Variants in CES4A observed in about 807,000 individuals in gnomAD.
CES4A encodes the protein carboxylesterase 6.
In CES4A, 48 loss-of-function variants were observed where a neutral mutation model predicts 65.4. That is an observed-to-expected ratio of 0.73 (90% CI 0.58 to 0.93). CES4A has a LOEUF of 0.93. Ranked by LOEUF, CES4A falls within the 40% of genes least tolerant of loss-of-function variation. The pLI is 0.00. For missense variants in CES4A, 685 were observed against 728.5 expected (o/e 0.94, Z 0.69); for synonymous variants, 247 against 281.8 (o/e 0.88, Z 1.24).
exon 14 of CES4A, chr16:67,009,216 C>A: frequency 7.0e-7 from 1 of 1,422,584 alleles, no homozygotes; most frequent in Non-Finnish European, 9.6e-7. Flanking sequence ...TAGCCATGGA[C>A]ATACCTGGGG....
rs1965488302 is a variant in CES4A, at chr16:67,003,173, A to T, written c.794A>T (p.Lys265Met). Residue 265 changes from lysine to methionine, a missense_variant and splice_region_variant, in exon 6 of 14, where the codon AAG (lysine) becomes ATG (methionine). Transcript: ENST00000648724. This position sits in a 1 kb window ranked among gnomAD's most constrained non-coding sequence, Gnocchi z 4.2. ...ACTAGTAACCCACTGAAAGTGGCCAAGGTGAGTGCCTCTCCTTCCCCAGGG... is the reference window on the plus strand; with the variant it reads ...ACTAGTAACCCACTGAAAGTGGCCATGGTGAGTGCCTCTCCTTCCCCAGGG... 6.2e-7 allele frequency: 1 copy of T among 1,613,704 alleles called. No individual in the cohort carries two copies.
intron 12 of CES4A, 112 bp downstream of exon 12, chr16:67,006,631 A>AT (rs1412532282): frequency 6.5e-7 from 1 of 1,536,324 alleles, no homozygotes; most frequent in Non-Finnish European, 8.9e-7. Context: ...CTAATCTGTT[A>AT]TGCTCTCCCA....
chr16:66,991,165 C>T (rs1361758996), intron 1 of CES4A, among the ~76,000 whole-genome samples: 1 of 152,122 alleles, frequency 6.6e-6, no homozygotes, highest in Non-Finnish European at 1.5e-5. Flanking sequence ...GCTGGGATTA[C>T]AGGCACGCAC....
At chr16:67,008,946 T>C in intron 13 of CES4A, 28 bp from the exon 14 acceptor site, 1 of 1,602,826 alleles carries the variant, frequency 6.2e-7, no homozygotes, top group Non-Finnish European at 8.5e-7. Flanking sequence ...GGAACACAGG[T>C]AATCCTCTCT....
At position 67,003,383 on chromosome 16, in the gene CES4A, C is replaced by T; in HGVS notation, c.900+23C>T. ...ATGGTAGGTAGAACATTCCAGCTGCCTGACCTGGCTGCCTGAGGGCCATCC... is the reference window on the plus strand; with the variant it reads ...ATGGTAGGTAGAACATTCCAGCTGCTTGACCTGGCTGCCTGAGGGCCATCC... On this transcript the variant is annotated intron_variant, in intron 7 of 13. Transcript: ENST00000648724. The surrounding 1 kb of genome is among the most constrained non-coding windows in gnomAD (Gnocchi z 4.2). 1 of 1,609,910 alleles carries T rather than the reference C, an allele frequency of 6.2e-7. No homozygotes were observed. The highest frequency in any genetic ancestry group is 8.5e-7 in the Non-Finnish European group (1 of 1,176,340).
At chr16:66,995,893 C>A (rs939205520) in intron 2 of CES4A, 64 bp downstream of exon 2, 4 of 1,425,628 alleles carry the variant, frequency 2.8e-6, no homozygotes, top group Admixed American at 1.7e-5. Flanking sequence ...CTGGGTGGGG[C>A]TTTGCACAGC....
At chr16:67,010,384 G>T (rs536136480), downstream of CES4A, among the ~76,000 whole-genome samples, 1 of 150,750 alleles carries the variant, frequency 6.6e-6, no homozygotes, top group African/African-American at 2.4e-5. Context: ...CTTTTTGGTG[G>T]TAAAATACAC....
At chr16:67,006,863 C>G (rs748293419) in intron 13 of CES4A, 46 bp downstream of exon 13, 367 of 1,567,616 alleles carry the variant, frequency 2.3e-4, no homozygotes, top group Non-Finnish European at 3.0e-4. Context: ...CTGCCCAGTG[C>G]TGGACCTGAA....
In CES4A at chr16:67,003,390, G is replaced by GC; in HGVS notation, c.900+30_900+31insC. ...GTAGAACATTCCAGCTGCCTGACCT[G>GC]GCTGCCTGAGGGCCATCCTCCTATC... On this transcript the variant is annotated intron_variant, in intron 7 of 13. Transcript: ENST00000648724. This position sits in a 1 kb window ranked among gnomAD's most constrained non-coding sequence, Gnocchi z 4.2. 6.2e-7 allele frequency: 1 copy of GC among 1,606,504 alleles called. No individual in the cohort carries two copies.
Position 67,003,101 on chromosome 16 carries a change from A to C in CES4A, c.722A>C (p.His241Pro). The stretch of plus-strand genomic sequence containing the variant: ...TCACCCCTAGCCTCGGGTCTCTTCC[A>C]TCGGGCCATTTCCCAGAGTGGCACC... The change falls in exon 6 of 14, where the codon CAT becomes CCT. Residue 241 changes from histidine to proline, a missense_variant. Transcript: ENST00000648724. This position sits in a 1 kb window ranked among gnomAD's most constrained non-coding sequence, Gnocchi z 4.2. The C allele has an allele frequency of 6.2e-7, 1 of 1,614,084 alleles. No homozygotes were observed. The highest frequency in any genetic ancestry group is 1.1e-5 in the South Asian group (1 of 91,082).
chr16:66,996,437 G>A (rs1457822929), intron 2 of CES4A, among the ~76,000 whole-genome samples: 1 of 152,160 alleles, frequency 6.6e-6, no homozygotes, highest in African/African-American at 2.4e-5. Flanking sequence ...ATGTGTCTGA[G>A]GGGCAGTGTT....
At chr16:66,995,828 G>T (rs1964801601) in exon 2 of CES4A, 1 of 1,613,210 alleles carries the variant, frequency 6.2e-7, no homozygotes, top group South Asian at 1.1e-5. Context: ...CTACCCGCCT[G>T]GGTAAGAGTC....
Position 67,003,158 on chromosome 16 carries a change from C to T in CES4A, c.779C>T (p.Pro260Leu). 1 of 1,614,108 alleles carries T rather than the reference C, an allele frequency of 6.2e-7. No homozygotes were observed. Among genetic ancestry groups the T allele is most frequent in the Non-Finnish European group, 8.5e-7 (1 of 1,179,942 alleles). The change falls in exon 6 of 14, where the codon CCA becomes CTA. Residue 260 changes from proline to leucine, a missense_variant. By Grantham distance (98) the Pro-to-Leu change is moderately conservative. Coordinates refer to ENST00000648724, the Ensembl canonical transcript of CES4A. This position sits in a 1 kb window ranked among gnomAD's most constrained non-coding sequence, Gnocchi z 4.2. ...TTCAGACTTTTCATCACTAGTAACCCACTGAAAGTGGCCAAGGTGAGTGCC... is the reference window on the plus strand; with the variant it reads ...TTCAGACTTTTCATCACTAGTAACCTACTGAAAGTGGCCAAGGTGAGTGCC...
exon 10 of CES4A, chr16:67,004,812 A>G: frequency 6.5e-7 from 1 of 1,536,030 alleles, no homozygotes; most frequent in South Asian, 1.2e-5. Context: ...TTCCCGCTAA[A>G]CCGGCAGGCG....
rs1435441644 is a variant in CES4A, at chr16:66,989,474, T to C, written c.58+644T>C. Among the ~76,000 whole-genome samples, 4 of 151,948 alleles carry C rather than the reference T, an allele frequency of 2.6e-5. No homozygotes were observed. In the East Asian group the frequency reaches 5.8e-4, roughly 22 times the overall value. On this transcript the variant is annotated intron_variant, in intron 1 of 13. Transcript: ENST00000648724. ...CTTTGAGAGGCTGAGGTGGGAGGAT[T>C]ACTTGAGCCCAGGAGTTTGAGACCA...
In CES4A at chr16:67,009,099, G is replaced by C. The variant is rs768244288; in HGVS notation, c.1643G>C (p.Ser548Thr). Residue 548 changes from serine (S) to threonine (T), a missense_variant, in exon 14 of 14, where the codon AGT (serine) becomes ACT (threonine). By Grantham distance (58) the Ser-to-Thr change is moderately conservative. Coordinates refer to ENST00000648724, the Ensembl canonical transcript of CES4A. Reference sequence around the variant, plus strand: ...GAGAAGAAGATGGCTTTTTGGATGAGTCTGTACCAGTCTCAAAGACCTGAG... The same window carrying C: ...GAGAAGAAGATGGCTTTTTGGATGACTCTGTACCAGTCTCAAAGACCTGAG... The C allele has an allele frequency of 7.4e-6, 12 of 1,613,726 alleles. No homozygotes were observed. The East Asian group carries it at 2.7e-4, about 36-fold the overall frequency.
chr16:67,009,035 C>T lies in CES4A; in HGVS notation c.1579C>T (p.Gln527Ter). ...CTACAACAAGGATGAAAAGTACCTGCAGCTGGATTTTACCACAAGAGTGGG... is the reference window on the plus strand; with the variant it reads ...CTACAACAAGGATGAAAAGTACCTGTAGCTGGATTTTACCACAAGAGTGGG... Residue 527 changes from glutamine to a stop codon, truncating the protein, a stop_gained, in exon 14 of 14, where the codon CAG (glutamine) becomes TAG (stop). Transcript: ENST00000648724. LOFTEE classifies it low-confidence loss of function (END_TRUNC). The T allele has an allele frequency of 6.2e-7, 1 of 1,614,222 alleles. No individual in the cohort carries two copies. Among genetic ancestry groups the T allele is most frequent in the Non-Finnish European group, 8.5e-7 (1 of 1,180,028 alleles).
exon 2 of CES4A, chr16:66,995,743 A>G: frequency 6.2e-7 from 1 of 1,613,912 alleles, no homozygotes; most frequent in Non-Finnish European, 8.5e-7. Context: ...CCTTCTCCAG[A>G]CCTCCTCTAG....
chr16:66,994,711 T>C (rs985993231), intron 1 of CES4A, among the ~76,000 whole-genome samples: 2 of 150,784 alleles, frequency 1.3e-5, no homozygotes, highest in Admixed American at 6.6e-5. Flanking sequence ...TGGTGGTGCA[T>C]GCCTATAATT....
Sources: gnomAD v4.1 joint callset for allele counts (sites outside exome capture counted in the v4.1 genomes callset) on GRCh38, gnomAD v4.1.1 for gene constraint, Gnocchi (gnomAD v3.1) non-coding constraint, MANE v1.5 for transcripts, NCBI Gene and HGNC (gene_info 2026-07-23, HGNC 2026-07-21) for gene names.